GALNT1: variants seen among roughly 807,000 people sequenced by gnomAD.
GALNT1 encodes polypeptide N-acetylgalactosaminyltransferase 1, also known as GalNAc transferase 1.
In GALNT1, 17 loss-of-function variants were observed where a neutral mutation model predicts 65.7. The ratio of observed to expected loss-of-function variants is 0.26; its 90% CI spans 0.18 to 0.39. The LOEUF (loss-of-function observed/expected upper bound fraction) is 0.39, where lower values mean the gene tolerates loss of function less well. Ranked by LOEUF, GALNT1 falls within the 10% of genes least tolerant of loss-of-function variation. GALNT1 has a pLI of 1.00. For missense variants in GALNT1, 460 were observed against 672.8 expected (o/e 0.68, Z 3.50); for synonymous variants, 210 against 219.7 (o/e 0.96, Z 0.39).
At chr18:35,657,711 T>C (rs2047412902) in intron 2 of GALNT1, among the ~76,000 whole-genome samples, 1 of 152,176 alleles carries the variant, frequency 6.6e-6, no homozygotes, top group Non-Finnish European at 1.5e-5. Flanking sequence ...ATGGGGCTTC[T>C]TGTGACCCTG....
At chr18:35,694,332 A>G (rs768356512) in intron 9 of GALNT1, among the ~76,000 whole-genome samples, 1 of 152,198 alleles carries the variant, frequency 6.6e-6, no homozygotes, top group Non-Finnish European at 1.5e-5. Context: ...CTGTGCTGAT[A>G]TGAGCAACCC....
chr18:35,635,336 G>A (rs1200959236), intron 1 of GALNT1, among the ~76,000 whole-genome samples: 9 of 152,112 alleles, frequency 5.9e-5, no homozygotes, highest in Non-Finnish European at 1.3e-4. Flanking sequence ...ACCAGCTCTG[G>A]TAACTGAAAC....
chr18:35,665,410 G>A (rs2047535723), intron 3 of GALNT1, among the ~76,000 whole-genome samples: 1 of 152,084 alleles, frequency 6.6e-6, no homozygotes, highest in Non-Finnish European at 1.5e-5. Context: ...TTAATAATAG[G>A]AGTCTCAAAA....
intron 2 of GALNT1, chr18:35,659,722 C>T (rs554379968): frequency 6.6e-6 from 1 of 152,102 alleles, no homozygotes; most frequent in South Asian, 2.1e-4. Context: ...ATTATTTCAA[C>T]TGTTGAACAT....
chr18:35,692,911 G>T (rs1393021009), intron 9 of GALNT1, among the ~76,000 whole-genome samples: 1 of 152,158 alleles, frequency 6.6e-6, no homozygotes, highest in African/African-American at 2.4e-5. Context: ...CACTTCTTCA[G>T]TCCTTTCATT....
intron 2 of GALNT1, 23 bp from the exon 3 acceptor site, chr18:35,663,605 G>A (rs1370373527): frequency 1.9e-6 from 3 of 1,583,588 alleles, no homozygotes; most frequent in Non-Finnish European, 1.7e-6. Flanking sequence ...ATTAATGTTA[G>A]TTAAGTTTCT....
chr18:35,595,445 C>G (rs1223732343), intron 1 of GALNT1, among the ~76,000 whole-genome samples: 1 of 152,104 alleles, frequency 6.6e-6, no homozygotes, highest in Non-Finnish European at 1.5e-5. Context: ...GGATGACTGA[C>G]TTGAAAAAAT....
chr18:35,688,922 G>A (rs1342048176), intron 6 of GALNT1, among the ~76,000 whole-genome samples: 1 of 152,168 alleles, frequency 6.6e-6, no homozygotes, highest in Non-Finnish European at 1.5e-5. Flanking sequence ...CTGTGACAGA[G>A]AGGGATGTCT....
chr18:35,642,606 CTT>C (rs1450695115), intron 1 of GALNT1, among the ~76,000 whole-genome samples: 2 of 152,116 alleles, frequency 1.3e-5, no homozygotes, highest in Admixed American at 6.5e-5. Flanking sequence ...TATACGTACT[CTT>C]TTGATATTTT....
chr18:35,677,493 C>A, intron 3 of GALNT1, 98 bp from the exon 4 acceptor site: 2 of 914,960 alleles, frequency 2.2e-6, no homozygotes, highest in Non-Finnish European at 3.2e-6. Flanking sequence ...ACCACTAGAG[C>A]AAACTGCTTT....
intron 7 of GALNT1, 89 bp downstream of exon 7, chr18:35,689,379 AAATTGAATTT>A (rs1354265909): frequency 1.3e-6 from 1 of 784,172 alleles, no homozygotes; most frequent in Non-Finnish European, 2.1e-6. Flanking sequence ...TAAAAAATAA[AAATTGAATTT>A]AATACAAGTT....
intron 1 of GALNT1, chr18:35,596,273 G>C (rs559792440): frequency 6.6e-6 from 1 of 152,300 alleles, no homozygotes; most frequent in Admixed American, 6.5e-5. Flanking sequence ...AGGTAGACAA[G>C]TCAAAATAGA....
intron 1 of GALNT1, among the ~76,000 whole-genome samples, chr18:35,636,522 G>A (rs894658185): frequency 2.6e-5 from 4 of 152,160 alleles, no homozygotes. Flanking sequence ...CTATCTTGAT[G>A]TTTCTTTGCC....
chr18:35,590,454 A>G (rs557126342), intron 1 of GALNT1, among the ~76,000 whole-genome samples: 20 of 152,316 alleles, frequency 1.3e-4, no homozygotes, highest in East Asian at 1.2e-3. Context: ...ACAAACTTCT[A>G]TGGGAACCAG....
At chr18:35,606,030 A>G (rs1469001342) in intron 1 of GALNT1, among the ~76,000 whole-genome samples, 1 of 152,228 alleles carries the variant, frequency 6.6e-6, no homozygotes, top group East Asian at 1.9e-4. Flanking sequence ...AGTCTATCCC[A>G]AAACCTCAGT....
At chr18:35,581,578 G>GCAGCGGC (rs2046314685), upstream of GALNT1, among the ~76,000 whole-genome samples, 2 of 90 alleles carry the variant, frequency 0.022, no homozygotes, top group Non-Finnish European at 0.056. Flanking sequence ...CCAAGTGAGC[G>GCAGCGGC]GGCAGGCGGC....
At chr18:35,616,966 C>CAT (rs1348395605) in intron 1 of GALNT1, among the ~76,000 whole-genome samples, 4 of 152,022 alleles carry the variant, frequency 2.6e-5, no homozygotes, top group Non-Finnish European at 5.9e-5. Flanking sequence ...ACCCTGTAAC[C>CAT]ATAGATCCTG....
intron 1 of GALNT1, among the ~76,000 whole-genome samples, chr18:35,641,192 C>T (rs931170932): frequency 6.6e-6 from 1 of 152,168 alleles, no homozygotes; most frequent in African/African-American, 2.4e-5. Flanking sequence ...TACCTGTAAT[C>T]CCAGCACTTT....
intron 1 of GALNT1, chr18:35,627,442 CAT>C (rs1598787647): frequency 2.6e-5 from 4 of 152,110 alleles, no homozygotes; most frequent in Admixed American, 2.0e-4. Flanking sequence ...AGATGTGGGA[CAT>C]GTGGATTTGG....
Sources: allele counts gnomAD v4.1 joint callset (sites outside exome capture counted in the v4.1 genomes callset), GRCh38; gene constraint gnomAD v4.1.1; transcripts MANE v1.5; gene names NCBI Gene and HGNC (gene_info 2026-07-23, HGNC 2026-07-21).